RAB3GAP1: variants seen among roughly 807,000 people sequenced by gnomAD.
RAB3GAP1 encodes the protein rab3 GTPase-activating protein catalytic subunit.
A neutral mutation model predicts 130.7 loss-of-function variants in RAB3GAP1; 86 were observed. The ratio of observed to expected loss-of-function variants is 0.66; its 90% CI spans 0.55 to 0.79. The LOEUF (loss-of-function observed/expected upper bound fraction) is 0.79. Ranked by LOEUF, RAB3GAP1 falls within the 30% of genes least tolerant of loss-of-function variation. The pLI is 0.00. For missense variants in RAB3GAP1, 1,029 were observed against 1,169.4 expected (o/e 0.88, Z 1.75); for synonymous variants, 367 against 401.7 (o/e 0.91, Z 1.03).
intron 5 of RAB3GAP1, among the ~76,000 whole-genome samples, chr2:135,107,975 C>CAAAAAAA (rs59782185): frequency 1.9e-5 from 1 of 51,926 alleles, no homozygotes; most frequent in Non-Finnish European, 4.5e-5. Flanking sequence ...AACTCCATCT[C>CAAAAAAA]AAAAAAAAAA....
chr2:135,053,626 ATAGT>A lies in RAB3GAP1; in HGVS notation c.74+1145_74+1148del, dbSNP rs754374383. Among the ~76,000 whole-genome samples, 35 of 152,326 alleles carry A rather than the reference ATAGT, an allele frequency of 2.3e-4. 1 individual carries two copies. The highest frequency in any genetic ancestry group is 5.2e-4 in the Admixed American group (8 of 15,302). On this transcript the variant is annotated intron_variant, in intron 2 of 23. Coordinates refer to ENST00000264158, the MANE Select transcript of RAB3GAP1 (RefSeq NM_012233.3). ...AATATAAAAGGTCCTTGTTGGAATA[ATAGT>A]TAGACCTGTGGTACCCTTCATAAAA...
In RAB3GAP1 at chr2:135,135,268, A is replaced by G; in HGVS notation, c.1503A>G (p.Leu501=). Residue 501 remains leucine, a synonymous_variant, in exon 16 of 24, where the codon TTA becomes TTG. Coordinates refer to ENST00000264158, the MANE Select transcript of RAB3GAP1 (RefSeq NM_012233.3). The part of the protein sequence containing the change: ...RWENNFLIPG[L]ASGPPDLRCC... ...TTCTCCTTACTTTATTTGATAGATT[A>G]GCAAGTGGACCCCCAGATCTGAGGT... 1 of 1,609,472 alleles carries G rather than the reference A, an allele frequency of 6.2e-7. No homozygotes were observed. Among genetic ancestry groups the G allele is most frequent in the Non-Finnish European group, 8.5e-7 (1 of 1,175,814 alleles).
chr2:135,120,932 G>A lies in RAB3GAP1; in HGVS notation c.748+14G>A. ...AGCAACCTCCAGGTGAGATCATTTA[G>A]AACTATATTTAACTTACTGAATATA... is the stretch of plus-strand genomic sequence containing the variant. On this transcript the variant is annotated intron_variant, in intron 8 of 23. Transcript: ENST00000264158. 1 of 1,512,678 alleles carries A rather than the reference G, an allele frequency of 6.6e-7. No individual in the cohort carries two copies. The highest frequency in any genetic ancestry group is 9.2e-7 in the Non-Finnish European group (1 of 1,087,890). The allele number at this position is 1,512,678 out of a possible 1,614,324, so 93.7% of individuals were successfully genotyped here. A position where few individuals can be genotyped will look rare whatever the true frequency, so the allele number is the denominator to read the frequency against.
At chr2:135,151,633 C>CAGAGTA (rs2104979736) in intron 18 of RAB3GAP1, among the ~76,000 whole-genome samples, 1 of 152,286 alleles carries the variant, frequency 6.6e-6, no homozygotes, top group African/African-American at 2.4e-5. Context: ...TGCCATGTGA[C>CAGAGTA]AAGAAACAGA....
Position 135,091,079 on chromosome 2 carries a change from T to C in RAB3GAP1, c.232T>C (p.Tyr78His). The change falls in exon 4 of 24, where the codon TAT (tyrosine) becomes CAT (histidine). Residue 78 changes from tyrosine to histidine, a missense_variant. Tyr to His is a moderately conservative substitution (Grantham distance 83). Around this residue, in one of 3 missense-constraint regions of RAB3GAP1, gnomAD observed 510 missense variants for 532.1 expected, o/e 0.96. Coordinates refer to ENST00000264158, the MANE Select transcript of RAB3GAP1 (RefSeq NM_012233.3). ...CTTCAAGTTCTCAGTCACTCATCATTATCTTGTACAAGAGTCCACTGATAA... is the reference window on the plus strand; with the variant it reads ...CTTCAAGTTCTCAGTCACTCATCATCATCTTGTACAAGAGTCCACTGATAA... ...ADFKFSVTHH[Y>H]LVQESTDKEG... The C allele has an allele frequency of 6.2e-7, 1 of 1,604,358 alleles. No homozygotes were observed. Among genetic ancestry groups the C allele is most frequent in the Non-Finnish European group, 8.5e-7 (1 of 1,171,334 alleles).
At position 135,132,971 on chromosome 2, in the gene RAB3GAP1, A is replaced by T. The variant is rs755052359; in HGVS notation, c.1313A>T (p.Glu438Val). Residue 438 changes from glutamate (E) to valine (V), a missense_variant, in exon 14 of 24, where the codon GAG (glutamate) becomes GTG (valine). Glu to Val is a moderately radical substitution (Grantham distance 121). This residue lies in a region of RAB3GAP1 where 510 missense variants were observed against 532.1 expected (regional missense o/e 0.96). Coordinates refer to ENST00000264158, the MANE Select transcript of RAB3GAP1 (RefSeq NM_012233.3). Reference sequence around the variant, plus strand: ...ACAGATAATAATAATCCTCCATCAGAGAGTGAAGACTATGTAAGTTGATGT... The same window carrying T: ...ACAGATAATAATAATCCTCCATCAGTGAGTGAAGACTATGTAAGTTGATGT... ...TSTDNNNPPSESEDYNLYNQF... is the reference protein window; with the variant it reads ...TSTDNNNPPSVSEDYNLYNQF... 2.6e-6 allele frequency: 4 copies of T among 1,555,110 alleles called. No individual in the cohort carries two copies. Among genetic ancestry groups the T allele is most frequent in the Non-Finnish European group, 3.5e-6 (4 of 1,126,870 alleles).
At position 135,169,093 on chromosome 2, in the gene RAB3GAP1, C is replaced by T. The variant is rs1197809748; in HGVS notation, c.*312C>T. 2 of 436,618 alleles carry T rather than the reference C, an allele frequency of 4.6e-6. No individual in the cohort carries two copies. Among genetic ancestry groups the T allele is most frequent in the Non-Finnish European group, 4.3e-6 (1 of 233,022 alleles). The allele number at this position is 436,618 out of a possible 1,614,324, so 27.0% of individuals were successfully genotyped here. On this transcript the variant is annotated 3_prime_UTR_variant, in exon 24 of 24. Transcript: ENST00000264158. ...CTCACACTGGCAGGACGGTGTTCAT[C>T]GCATTCTCTTCTGTGACCAGCCTCT...
At chr2:135,133,043 T>C (rs1691591084) in intron 14 of RAB3GAP1, 59 bp downstream of exon 14, 1 of 997,632 alleles carries the variant, frequency 1.0e-6, no homozygotes, top group African/African-American at 1.6e-5. Flanking sequence ...TTCTAGAGGT[T>C]CTATATATTT....
At chr2:135,105,762 G>C (rs1690584592) in intron 5 of RAB3GAP1, among the ~76,000 whole-genome samples, 1 of 151,666 alleles carries the variant, frequency 6.6e-6, no homozygotes, top group Non-Finnish European at 1.5e-5. Context: ...CCTCTTCCCA[G>C]CCGCCATCCT....
chr2:135,123,934 C>T, intron 8 of RAB3GAP1: 1 of 504,198 alleles, frequency 2.0e-6, no homozygotes, highest in Non-Finnish European at 3.6e-6. Context: ...AATACCTGGC[C>T]TGAATGAAAT....
rs187160361 is a variant in RAB3GAP1 at position 135,085,809 on chromosome 2, G to A, written c.151-5189G>A. Among the ~76,000 whole-genome samples the A allele has an allele frequency of 8.8e-3, 1,337 of 152,174 alleles. 9 individuals carry two copies. The highest frequency in any genetic ancestry group is 0.034 in the Middle Eastern group (10 of 294). ...TTTGTTGGGTTATGATTTATACACA[G>A]CGAAGTTTACAGAACTCATGTATGT... On this transcript the variant is annotated intron_variant, in intron 3 of 23. Coordinates refer to ENST00000264158, the MANE Select transcript of RAB3GAP1 (RefSeq NM_012233.3).
chr2:135,113,106 G>T (rs1690862864), intron 5 of RAB3GAP1, 45 bp from the exon 6 acceptor site: 3 of 1,613,382 alleles, frequency 1.9e-6, no homozygotes, highest in Non-Finnish European at 2.5e-6. Context: ...GGATTTTTGT[G>T]TTCTGAGGTT....
intron 9 of RAB3GAP1, 35 bp from the exon 10 acceptor site, chr2:135,126,146 T>C (rs1691340314): frequency 6.9e-7 from 1 of 1,454,646 alleles, no homozygotes; most frequent in Admixed American, 1.7e-5. Context: ...GCTGAGTCAG[T>C]ATTAAAGCTT....
intron 3 of RAB3GAP1, among the ~76,000 whole-genome samples, chr2:135,076,960 A>C (rs931786538): frequency 3.3e-5 from 5 of 152,164 alleles, no homozygotes; most frequent in Non-Finnish European, 5.9e-5. Context: ...CATTATATGT[A>C]TATACCACAT....
intron 7 of RAB3GAP1, among the ~76,000 whole-genome samples, chr2:135,117,409 T>TTCTTCTTCTTC (rs1691002933): frequency 2.0e-5 from 2 of 100,194 alleles, no homozygotes; most frequent in South Asian, 6.0e-4. Context: ...CAATACTTTA[T>TTCTTCTTCTTC]TTCTTCTTCT....
At position 135,070,315 on chromosome 2, in the gene RAB3GAP1, A is replaced by G. The variant is rs553488594; in HGVS notation, c.150+12229A>G. Among the ~76,000 whole-genome samples, 26 of 152,308 alleles carry G rather than the reference A, an allele frequency of 1.7e-4. No individual in the cohort carries two copies. In the East Asian group the frequency reaches 4.6e-3, roughly 27 times the overall value. On this transcript the variant is annotated intron_variant, in intron 3 of 23. Transcript: ENST00000264158. ...TTATTTTGCCTCAGCTTCTTCTTTT[A>G]GGTCAACATGTGTAACTAATGACTT...
intron 2 of RAB3GAP1, among the ~76,000 whole-genome samples, chr2:135,052,881 C>G (rs554523242): frequency 1.5e-4 from 23 of 152,358 alleles, no homozygotes; most frequent in African/African-American, 5.5e-4. Context: ...TGTGCCGCAC[C>G]TCATCCCGTG....
chr2:135,110,423 C>G (rs947925988), intron 5 of RAB3GAP1, among the ~76,000 whole-genome samples: 2 of 152,158 alleles, frequency 1.3e-5, no homozygotes, highest in African/African-American at 4.8e-5. Flanking sequence ...GTGTGAGCCA[C>G]CACACCTGGC....
At chr2:135,129,871 T>A in intron 11 of RAB3GAP1, 124 bp from the exon 12 acceptor site, 2 of 697,466 alleles carry the variant, frequency 2.9e-6, no homozygotes, top group Non-Finnish European at 2.5e-6. Flanking sequence ...ATGGAAAAAC[T>A]GAATGGTTTT....
Sources: gnomAD v4.1 joint callset for allele counts (sites outside exome capture counted in the v4.1 genomes callset) on GRCh38, gnomAD v4.1.1 for gene constraint, gnomAD v4.1.1 regional missense constraint, MANE v1.5 for transcripts, NCBI Gene and HGNC (gene_info 2026-07-23, HGNC 2026-07-21) for gene names.